ADK: variants seen among roughly 807,000 people sequenced by gnomAD.
The protein encoded by ADK is adenosine kinase.
A neutral mutation model predicts 44.7 loss-of-function variants in ADK; 24 were observed. The ratio of observed to expected loss-of-function variants is 0.54; its 90% CI spans 0.39 to 0.76. The LOEUF is 0.76. Among genes scored for constraint, ADK ranks in the 30% least tolerant of loss-of-function variants. The pLI, the probability that ADK is intolerant of heterozygous loss-of-function variation, is 0.00. For missense variants in ADK, 321 were observed against 425.1 expected (o/e 0.76, Z 2.15); for synonymous variants, 128 against 142.6 (o/e 0.90, Z 0.73).
chr10:74,460,564 A>T (rs1055104800), intron 6 of ADK, among the ~76,000 whole-genome samples: 24 of 152,184 alleles, frequency 1.6e-4, no homozygotes, highest in African/African-American at 5.5e-4. Context: ...AAGGATACTT[A>T]GCTTTTTCTA....
chr10:74,312,870 C>G (rs549152268), intron 3 of ADK, among the ~76,000 whole-genome samples: 3 of 119,368 alleles, frequency 2.5e-5, no homozygotes, highest in Non-Finnish European at 4.9e-5. Context: ...GCTATGTTTG[C>G]ACCACTGCAC....
chr10:74,436,484 A>G (rs947171709), intron 6 of ADK, among the ~76,000 whole-genome samples: 11 of 152,090 alleles, frequency 7.2e-5, no homozygotes, highest in African/African-American at 2.4e-4. Flanking sequence ...TCTCCAAAAA[A>G]AAAAAAAAGT....
intron 3 of ADK, among the ~76,000 whole-genome samples, chr10:74,306,090 A>T (rs1465679024): frequency 6.6e-6 from 1 of 151,758 alleles, no homozygotes; most frequent in Non-Finnish European, 1.5e-5. Context: ...ACTCATGCAC[A>T]AATTTAGATC....
At chr10:74,329,258 G>C (rs1841135177) in intron 4 of ADK, among the ~76,000 whole-genome samples, 1 of 152,020 alleles carries the variant, frequency 6.6e-6, no homozygotes, top group South Asian at 2.1e-4. Context: ...TTTTGCTGCT[G>C]AGATTCTTGG....
chr10:74,651,740 C>T (rs1406096508), intron 9 of ADK, among the ~76,000 whole-genome samples: 3 of 152,128 alleles, frequency 2.0e-5, no homozygotes, highest in Non-Finnish European at 4.4e-5. Context: ...TTGAGAAGAG[C>T]TTTGTATATG....
intron 6 of ADK, among the ~76,000 whole-genome samples, chr10:74,493,192 T>C (rs1023997336): frequency 5.3e-5 from 8 of 152,158 alleles, no homozygotes; most frequent in Non-Finnish European, 1.0e-4. Flanking sequence ...TATTTTACTT[T>C]ACTGAGACAG....
chr10:74,577,008 C>T (rs1056926124), intron 7 of ADK, among the ~76,000 whole-genome samples: 3 of 151,980 alleles, frequency 2.0e-5, no homozygotes, highest in African/African-American at 7.2e-5. Context: ...TTCAGTATCT[C>T]TTAAAACCTG....
intron 3 of ADK, among the ~76,000 whole-genome samples, chr10:74,256,380 A>G (rs1845825552): frequency 6.6e-6 from 1 of 152,194 alleles, no homozygotes; most frequent in African/African-American, 2.4e-5. Flanking sequence ...TTATGATTTG[A>G]TAGTCATTTA....
chr10:74,645,012 C>A (rs1465561675), intron 9 of ADK, among the ~76,000 whole-genome samples: 3 of 152,190 alleles, frequency 2.0e-5, no homozygotes, highest in African/African-American at 4.8e-5. Context: ...TAGTACAGAG[C>A]AGCCCACTGT....
intron 6 of ADK, among the ~76,000 whole-genome samples, chr10:74,443,450 G>C (rs1845492376): frequency 6.6e-6 from 1 of 152,096 alleles, no homozygotes; most frequent in African/African-American, 2.4e-5. Flanking sequence ...ATTTATAAAA[G>C]GCTGTCTATT....
chr10:74,404,469 A>G (rs896206096), intron 6 of ADK, among the ~76,000 whole-genome samples: 1 of 152,148 alleles, frequency 6.6e-6, no homozygotes, highest in African/African-American at 2.4e-5. Flanking sequence ...TCTGTCAGTA[A>G]TAAATTCTTT....
intron 7 of ADK, among the ~76,000 whole-genome samples, chr10:74,543,598 C>T (rs774345337): frequency 5.3e-5 from 8 of 152,164 alleles, no homozygotes; most frequent in Non-Finnish European, 8.8e-5. Flanking sequence ...TTGCTAAATT[C>T]CTCTCCAAAA....
chr10:74,274,730 G>GTATATATATATATATATATATATA (rs1200421234), intron 3 of ADK, among the ~76,000 whole-genome samples: 11 of 40,514 alleles, frequency 2.7e-4, no homozygotes, highest in Admixed American at 2.4e-4. Context: ...ATTTTAATGT[G>GTATATATATATATATATATATATA]TGTATATATA....
intron 7 of ADK, among the ~76,000 whole-genome samples, chr10:74,541,702 A>G (rs1034674273): frequency 8.7e-5 from 13 of 149,504 alleles, no homozygotes; most frequent in Non-Finnish European, 1.6e-4. Context: ...CTGAGGCAGG[A>G]GGATTGCTTG....
At chr10:74,672,425 C>T (rs1855224371) in intron 10 of ADK, among the ~76,000 whole-genome samples, 2 of 152,146 alleles carry the variant, frequency 1.3e-5, no homozygotes, top group Non-Finnish European at 2.9e-5. Flanking sequence ...GGGCAGCTTC[C>T]TCACTTTATT....
chr10:74,406,505 AAATAATAATAAT>A (rs150030020), intron 6 of ADK, among the ~76,000 whole-genome samples: 70 of 133,988 alleles, frequency 5.2e-4, no homozygotes, highest in African/African-American at 1.8e-3. Context: ...ACTCCGATTA[AAATAATAATAAT>A]AATAATAATA....
intron 7 of ADK, among the ~76,000 whole-genome samples, chr10:74,581,648 G>GA (rs1192280573): frequency 2.6e-5 from 4 of 151,026 alleles, no homozygotes; most frequent in African/African-American, 7.3e-5. Context: ...CAGTAATAAA[G>GA]AAAAAAAACT....
chr10:74,413,137 G>A (rs1564707563), intron 6 of ADK, among the ~76,000 whole-genome samples: 1 of 151,950 alleles, frequency 6.6e-6, no homozygotes, highest in African/African-American at 2.4e-5. Context: ...ATAGAACACA[G>A]GCAGAGCAGA....
chr10:74,695,619 GGTGTGTGTGTGT>G (rs749294668), intron 10 of ADK, among the ~76,000 whole-genome samples: 9 of 90,120 alleles, frequency 1.0e-4, no homozygotes, highest in East Asian at 9.2e-4. Flanking sequence ...GTATGTGTGG[GGTGTGTGTGTGT>G]GTGTGTGTGT....
Sources: gnomAD v4.1 joint callset for allele counts (sites outside exome capture counted in the v4.1 genomes callset) on GRCh38, gnomAD v4.1.1 for gene constraint, MANE v1.5 for transcripts, NCBI Gene and HGNC (gene_info 2026-07-23, HGNC 2026-07-21) for gene names.